Variants in PLEKHA2 observed in about 807,000 individuals in gnomAD.
PLEKHA2 encodes the protein pleckstrin homology domain containing A2.
A neutral mutation model predicts 53.2 loss-of-function variants in PLEKHA2; 28 were observed. The observed-to-expected ratio is 0.53, with a 90% confidence interval of 0.39 to 0.72. PLEKHA2 has a LOEUF of 0.72. Among genes scored for constraint, PLEKHA2 ranks in the 30% least tolerant of loss-of-function variants. The pLI is 0.00. For synonymous variants in PLEKHA2, 193 were observed against 196.4 expected (o/e 0.98, Z 0.14); for missense variants, 426 against 537.9 (o/e 0.79, Z 2.06).
In PLEKHA2 at chr8:38,969,975, G is replaced by C; in HGVS notation, c.*192G>C. On this transcript the variant is annotated 3_prime_UTR_variant, in exon 12 of 12. Coordinates refer to ENST00000617275, the MANE Select transcript of PLEKHA2 (RefSeq NM_021623.2). ...TGTGTGTGTGTGTGTGTGTGTGTGT[G>C]TGTAATATCAACGCAGTGTATTTAA... is the stretch of plus-strand genomic sequence containing the variant. 1.3e-6 allele frequency: 1 copy of C among 742,232 alleles called. No individual in the cohort carries two copies. The highest frequency in any genetic ancestry group is 2.1e-6 in the Non-Finnish European group (1 of 469,382). 46.0% of individuals were successfully genotyped at this position (742,232 alleles called of 1,614,324 possible).
chr8:38,909,959 CTTT>C (rs71216695), intron 1 of PLEKHA2, among the ~76,000 whole-genome samples: 2 of 141,560 alleles, frequency 1.4e-5, no homozygotes, highest in Admixed American at 7.1e-5. Flanking sequence ...CATTAAAATA[CTTT>C]TTTTTTTTTT....
intron 5 of PLEKHA2, among the ~76,000 whole-genome samples, chr8:38,946,569 G>T (rs1011264872): frequency 6.6e-6 from 1 of 152,214 alleles, no homozygotes; most frequent in Non-Finnish European, 1.5e-5. Context: ...AAGGGGAAAA[G>T]CATATGGGGA....
chr8:38,930,129 A>C (rs989158827), intron 2 of PLEKHA2, among the ~76,000 whole-genome samples: 4 of 152,188 alleles, frequency 2.6e-5, no homozygotes, highest in Non-Finnish European at 4.4e-5. Context: ...CCTTAGTGGC[A>C]GAAGAGCTCT....
intron 2 of PLEKHA2, among the ~76,000 whole-genome samples, chr8:38,935,099 C>T (rs1295539477): frequency 2.0e-5 from 3 of 152,116 alleles, no homozygotes; most frequent in Non-Finnish European, 2.9e-5. Context: ...CTGCAACCTC[C>T]ACCTCCCAGG....
chr8:38,951,027 G>A (rs528637389), intron 6 of PLEKHA2, 37 bp downstream of exon 6: 5 of 1,582,794 alleles, frequency 3.2e-6, no homozygotes, highest in East Asian at 2.3e-5. Flanking sequence ...GGGAGTGGGG[G>A]TGTGGAAGTG....
rs117873690 is a variant in PLEKHA2 at position 38,968,391 on chromosome 8, G to A, written c.838-201G>A. ...ATTTCAGAGCAGCTCCACTTTGAGCGGTTTTATTTATTGGGTGTCAAATAA... is the reference window on the plus strand; with the variant it reads ...ATTTCAGAGCAGCTCCACTTTGAGCAGTTTTATTTATTGGGTGTCAAATAA... On this transcript the variant is annotated intron_variant, in intron 10 of 11. Transcript: ENST00000617275. Among the ~76,000 whole-genome samples the A allele has an allele frequency of 4.0e-3, 609 of 152,214 alleles. 3 individuals carry two copies. Among genetic ancestry groups the A allele is most frequent in the Non-Finnish European group, 6.1e-3 (413 of 68,020 alleles).
At chr8:38,909,959 CTTTTTT>C (rs71216695) in intron 1 of PLEKHA2, among the ~76,000 whole-genome samples, 1 of 141,544 alleles carries the variant, frequency 7.1e-6, no homozygotes, top group Non-Finnish European at 1.5e-5. Flanking sequence ...CATTAAAATA[CTTTTTT>C]TTTTTTTTTG....
intron 10 of PLEKHA2, among the ~76,000 whole-genome samples, chr8:38,958,466 C>G (rs935104137): frequency 1.3e-5 from 2 of 152,352 alleles, no homozygotes; most frequent in Admixed American, 6.5e-5. Flanking sequence ...GTTAAGCAAC[C>G]TCCCTTCCCC....
intron 1 of PLEKHA2, among the ~76,000 whole-genome samples, chr8:38,915,543 G>A (rs1409093789): frequency 1.3e-5 from 2 of 152,188 alleles, no homozygotes; most frequent in Non-Finnish European, 2.9e-5. Flanking sequence ...TAGTGGATTA[G>A]GGCCCATGCC....
intron 10 of PLEKHA2, among the ~76,000 whole-genome samples, chr8:38,964,686 A>G (rs1454505639): frequency 6.6e-6 from 1 of 151,770 alleles, no homozygotes; most frequent in African/African-American, 2.4e-5. Context: ...GGTAACATGG[A>G]AAAATCCTTC....
In PLEKHA2 at chr8:38,922,182, A is replaced by G. The variant is rs1232821377; in HGVS notation, c.141+4112A>G. On this transcript the variant is annotated intron_variant, in intron 2 of 11. Transcript: ENST00000617275. This position sits in a 1 kb window ranked among gnomAD's most constrained non-coding sequence, Gnocchi z 4.0. Reference sequence around the variant, plus strand: ...ATTGCTGATAATGAGACAGGCGTCTAAGGGTGACTTGGAGGATGAAGAGCC... The same window carrying G: ...ATTGCTGATAATGAGACAGGCGTCTGAGGGTGACTTGGAGGATGAAGAGCC... Among the ~76,000 whole-genome samples the G allele has an allele frequency of 6.6e-6, 1 of 152,198 alleles. No individual in the cohort carries two copies. The highest frequency in any genetic ancestry group is 1.5e-5 in the Non-Finnish European group (1 of 68,032).
At chr8:38,929,439 T>C (rs1191608988) in intron 2 of PLEKHA2, among the ~76,000 whole-genome samples, 1 of 152,220 alleles carries the variant, frequency 6.6e-6, no homozygotes, top group Non-Finnish European at 1.5e-5. Flanking sequence ...TCATTGATAA[T>C]CAGCTCTTAG....
intron 1 of PLEKHA2, among the ~76,000 whole-genome samples, chr8:38,915,228 G>T (rs1473300528): frequency 6.6e-6 from 1 of 152,188 alleles, no homozygotes; most frequent in Admixed American, 6.5e-5. Flanking sequence ...TTACAGTTGT[G>T]AGCCACTGCA....
chr8:38,950,783 T>G (rs1306558519), intron 5 of PLEKHA2, 67 bp from the exon 6 acceptor site: 1 of 1,552,376 alleles, frequency 6.4e-7, no homozygotes, highest in African/African-American at 1.4e-5. Context: ...AGCCCCATTC[T>G]GTTTTGGGCT....
In PLEKHA2 at chr8:38,968,657, G is replaced by A; in HGVS notation, c.903G>A (p.Lys301=). The A allele has an allele frequency of 1.9e-6, 3 of 1,613,984 alleles. No individual in the cohort carries two copies. The highest frequency in any genetic ancestry group is 2.5e-6 in the Non-Finnish European group (3 of 1,179,882). ...KEIGAAVQAL[K]CHPRETSFSR... is the part of the protein sequence containing the mutation. ...TTGGCGCAGCTGTCCAGGCCCTCAAGTGCCACCCCAGAGTAAGTCACTTCC... is the reference window on the plus strand; with the variant it reads ...TTGGCGCAGCTGTCCAGGCCCTCAAATGCCACCCCAGAGTAAGTCACTTCC... Residue 301 remains lysine (K), a synonymous_variant, in exon 11 of 12, where the codon AAG becomes AAA. Transcript: ENST00000617275.
intron 9 of PLEKHA2, among the ~76,000 whole-genome samples, 157 bp downstream of exon 9, chr8:38,953,524 T>C (rs1281950230): frequency 6.6e-6 from 1 of 152,154 alleles, no homozygotes; most frequent in Non-Finnish European, 1.5e-5. Context: ...GCATCCAAGC[T>C]AACACAGGGA....
intron 4 of PLEKHA2, among the ~76,000 whole-genome samples, chr8:38,945,380 G>C (rs1349408757): frequency 1.3e-5 from 2 of 152,154 alleles, no homozygotes; most frequent in African/African-American, 4.8e-5. Context: ...TCTACCCCAT[G>C]AGACTCACCT....
intron 2 of PLEKHA2, among the ~76,000 whole-genome samples, chr8:38,927,174 A>G (rs1192877673): frequency 6.6e-6 from 1 of 152,174 alleles, no homozygotes; most frequent in Admixed American, 6.6e-5. Flanking sequence ...TGTATTTATT[A>G]TATACATCTC....
chr8:38,921,137 T>C (rs1834185594), intron 2 of PLEKHA2, among the ~76,000 whole-genome samples: 1 of 152,314 alleles, frequency 6.6e-6, no homozygotes, highest in Middle Eastern at 3.4e-3. Flanking sequence ...CTGCTTTGGC[T>C]GGAGTTAAAT....
Sources: allele counts gnomAD v4.1 joint callset (sites outside exome capture counted in the v4.1 genomes callset), GRCh38; gene constraint gnomAD v4.1.1; non-coding constraint Gnocchi (gnomAD v3.1); transcripts MANE v1.5; gene names NCBI Gene and HGNC (gene_info 2026-07-23, HGNC 2026-07-21).